Variants in VDAC1 observed in about 807,000 individuals in gnomAD.
VDAC1 encodes the protein voltage dependent anion channel 1.
VDAC1 carries 10 observed loss-of-function variants against 34.7 expected under a neutral mutation model. The observed-to-expected ratio is 0.29, with a 90% CI of 0.18 to 0.49. The LOEUF is 0.49. Among genes scored for constraint, VDAC1 ranks in the 20% least tolerant of loss-of-function variants. The pLI is 0.99. For synonymous variants in VDAC1, 130 were observed against 136.0 expected (o/e 0.96, Z 0.30); for missense variants, 230 against 347.9 (o/e 0.66, Z 2.69).
chr5:134,041,380 T>A, the VDAC1 span, among the ~76,000 whole-genome samples: 1 of 152,210 alleles, frequency 6.6e-6, no homozygotes, highest in Non-Finnish European at 1.5e-5. Context: ...CCATGGATCA[T>A]GTAAACCAAG....
intron 5 of VDAC1, among the ~76,000 whole-genome samples, chr5:133,981,748 C>T (rs918483216): frequency 6.6e-6 from 1 of 152,200 alleles, no homozygotes; most frequent in Non-Finnish European, 1.5e-5. Context: ...AAAGTACACA[C>T]TGGAGAACAA....
the VDAC1 span, among the ~76,000 whole-genome samples, chr5:134,022,857 C>T: frequency 3.2e-4 from 49 of 152,296 alleles, no homozygotes; most frequent in African/African-American, 1.0e-3. Context: ...GAAATAGGAA[C>T]GCATTTACAC....
the VDAC1 span, among the ~76,000 whole-genome samples, chr5:134,016,107 C>A: frequency 6.6e-6 from 1 of 152,152 alleles, no homozygotes. Context: ...TTAAAGGAGG[C>A]CTCCAACTTT....
At chr5:134,009,883 G>A (rs752850453), upstream of VDAC1, among the ~76,000 whole-genome samples, 4 of 151,922 alleles carry the variant, frequency 2.6e-5, no homozygotes, top group Non-Finnish European at 4.4e-5. Context: ...GTTTTGCCAC[G>A]TTGGCCAGGC....
the VDAC1 span, among the ~76,000 whole-genome samples, chr5:134,025,455 T>A: frequency 3.9e-5 from 6 of 152,114 alleles, no homozygotes; most frequent in South Asian, 1.2e-3. Context: ...GACAAATATC[T>A]AGACCATATC....
At chr5:134,038,528 A>AC in the VDAC1 span, among the ~76,000 whole-genome samples, 2 of 151,126 alleles carry the variant, frequency 1.3e-5, no homozygotes, top group East Asian at 3.9e-4. Flanking sequence ...CCTCAATCCC[A>AC]CCCCCCACAA....
chr5:133,989,765 C>T (rs938577624), intron 5 of VDAC1, among the ~76,000 whole-genome samples: 19 of 152,044 alleles, frequency 1.2e-4, no homozygotes, highest in Non-Finnish European at 2.6e-4. Context: ...CAGGTTCAAG[C>T]GATTCTCCTG....
chr5:134,004,951 G>C lies in VDAC1; in HGVS notation c.-63C>G, dbSNP rs1054655291. 1 of 152,346 alleles carries C rather than the reference G, an allele frequency of 6.6e-6. No homozygotes were observed. The highest frequency in any genetic ancestry group is 1.5e-5 in the Non-Finnish European group (1 of 68,160). The allele number at this position is 152,346 out of a possible 1,614,324, so 9.4% of individuals were successfully genotyped here. On this transcript the variant is annotated 5_prime_UTR_variant, in exon 1 of 9. Transcript: ENST00000265333. ...ACAGGAGCCTGCGGGCGTGTTGCGG[G>C]CGCGCGGGAGGACCTGCGTGAGTCG...
At chr5:134,069,240 T>C in the VDAC1 span, among the ~76,000 whole-genome samples, 5 of 152,026 alleles carry the variant, frequency 3.3e-5, no homozygotes, top group African/African-American at 1.2e-4. Flanking sequence ...ATAAGGGAAA[T>C]TTTTTTAGTG....
the VDAC1 span, among the ~76,000 whole-genome samples, chr5:134,045,884 C>T: frequency 4.6e-5 from 7 of 151,948 alleles, no homozygotes; most frequent in South Asian, 2.1e-4. Flanking sequence ...AGGGTTTCTC[C>T]GTGTTGGTCA....
intron 5 of VDAC1, among the ~76,000 whole-genome samples, chr5:133,987,622 G>A (rs932564049): frequency 1.3e-5 from 2 of 152,164 alleles, no homozygotes; most frequent in Non-Finnish European, 2.9e-5. Context: ...AGGTTGCAGT[G>A]AGCCAGGATC....
the VDAC1 span, among the ~76,000 whole-genome samples, chr5:134,011,170 T>C: frequency 6.6e-6 from 1 of 152,144 alleles, no homozygotes; most frequent in South Asian, 2.1e-4. Context: ...CATTTTTTTC[T>C]TTGTTTTTAG....
the VDAC1 span, among the ~76,000 whole-genome samples, chr5:134,055,588 G>GTTTTTGTTTTT: frequency 8.4e-5 from 5 of 59,626 alleles, 2 homozygotes; most frequent in African/African-American, 3.6e-4. Flanking sequence ...CCCCGCTAAT[G>GTTTTTGTTTTT]TTTTTTTTTT....
the VDAC1 span, among the ~76,000 whole-genome samples, chr5:134,026,496 C>A: frequency 8.0e-6 from 1 of 125,234 alleles, no homozygotes; most frequent in South Asian, 2.6e-4. Flanking sequence ...GCCTGGGTGA[C>A]AGAGCGAGAC....
At chr5:134,082,611 T>C in the VDAC1 span, among the ~76,000 whole-genome samples, 1 of 152,382 alleles carries the variant, frequency 6.6e-6, no homozygotes, top group South Asian at 2.1e-4. Context: ...GATCATATAA[T>C]AGATACATGT....
At chr5:134,064,160 T>C in the VDAC1 span, among the ~76,000 whole-genome samples, 1 of 152,028 alleles carries the variant, frequency 6.6e-6, no homozygotes, top group Non-Finnish European at 1.5e-5. Flanking sequence ...ATATAGACAA[T>C]CATGGCATCT....
intron 5 of VDAC1, among the ~76,000 whole-genome samples, chr5:133,987,719 TATG>T (rs1752959284): frequency 7.2e-6 from 1 of 139,202 alleles, no homozygotes; most frequent in African/African-American, 2.7e-5. Context: ...TGAGCAAAAG[TATG>T]ATGAGAAATA....
chr5:133,980,366 T>A (rs936862456), intron 6 of VDAC1, among the ~76,000 whole-genome samples: 1 of 152,182 alleles, frequency 6.6e-6, no homozygotes, highest in Non-Finnish European at 1.5e-5. Context: ...AGCAGGCTAA[T>A]CCTCAGGCAT....
At chr5:133,983,699 C>T (rs1017801333) in intron 5 of VDAC1, among the ~76,000 whole-genome samples, 1 of 152,186 alleles carries the variant, frequency 6.6e-6, no homozygotes, top group Non-Finnish European at 1.5e-5. Context: ...AACAAAATCA[C>T]CACTGATACA....
Sources: gnomAD v4.1 joint callset for allele counts (sites outside exome capture counted in the v4.1 genomes callset) on GRCh38, gnomAD v4.1.1 for gene constraint, MANE v1.5 for transcripts, NCBI Gene and HGNC (gene_info 2026-07-23, HGNC 2026-07-21) for gene names.